Variants in XPNPEP3 observed in about 807,000 individuals in gnomAD.
XPNPEP3 encodes the protein X-prolyl aminopeptidase 3.
Under a neutral mutation model 60.0 loss-of-function variants are expected in XPNPEP3, and 41 were observed. That is an observed-to-expected ratio of 0.68 (90% CI 0.53 to 0.89). The LOEUF is 0.89. Among genes scored for constraint, XPNPEP3 ranks in the 40% least tolerant of loss-of-function variants. The pLI is 0.00. For missense variants in XPNPEP3, 598 were observed against 638.9 expected (o/e 0.94, Z 0.69); for synonymous variants, 212 against 223.2 (o/e 0.95, Z 0.45).
intron 9 of XPNPEP3, among the ~76,000 whole-genome samples, chr22:40,925,984 T>C (rs2058233225): frequency 6.6e-6 from 1 of 152,186 alleles, no homozygotes; most frequent in South Asian, 2.1e-4. Flanking sequence ...CACTAGAATA[T>C]GACAGAATCA....
intron 2 of XPNPEP3, among the ~76,000 whole-genome samples, chr22:40,872,064 C>T (rs2058008048): frequency 6.6e-6 from 1 of 152,020 alleles, no homozygotes; most frequent in Non-Finnish European, 1.5e-5. Context: ...ATTACTGGGC[C>T]AGTTCCTCTG....
At chr22:40,867,845 C>T (rs1209641837) in intron 1 of XPNPEP3, among the ~76,000 whole-genome samples, 1 of 150,444 alleles carries the variant, frequency 6.6e-6, no homozygotes, top group African/African-American at 2.4e-5. Context: ...TGTTTCATTT[C>T]ATTTATTGCC....
In XPNPEP3 at chr22:40,886,427, G is replaced by T. The variant is rs766397782; in HGVS notation, c.704G>T (p.Gly235Val). 10 of 1,614,196 alleles carry T rather than the reference G, an allele frequency of 6.2e-6. No homozygotes were observed. The highest frequency in any genetic ancestry group is 7.6e-6 in the Non-Finnish European group (9 of 1,180,038). Residue 235 changes from glycine to valine, a missense_variant, in exon 4 of 10, where the codon GGT becomes GTT. Coordinates refer to ENST00000357137, the MANE Select transcript of XPNPEP3 (RefSeq NM_022098.4). The stretch of plus-strand genomic sequence containing the variant: ...GCCAAGAGCAAGAACAAGGTTCGGG[G>T]TGTTCAGCAGCTGATACAGCGCCTC... ...AKAKSKNKVR[G>V]VQQLIQRLRL...
intron 4 of XPNPEP3, among the ~76,000 whole-genome samples, chr22:40,892,824 G>A (rs948973526): frequency 6.6e-6 from 1 of 151,876 alleles, no homozygotes; most frequent in Non-Finnish European, 1.5e-5. Flanking sequence ...GGCCCACCAA[G>A]TTATACCTTG....
chr22:40,909,241 T>G lies in XPNPEP3; in HGVS notation c.969+6T>G, dbSNP rs371875441. ...AAAATAATCAACTCATCAAGGTACG[T>G]GAGATGCCCTCAGTGCTACTCCCAC... On this transcript the variant is annotated splice_donor_region_variant and intron_variant, in intron 6 of 9. Coordinates refer to ENST00000357137, the MANE Select transcript of XPNPEP3 (RefSeq NM_022098.4). The G allele has an allele frequency of 3.7e-6, 6 of 1,611,206 alleles. 2 individuals carry two copies. The South Asian group carries it at 6.6e-5, about 18-fold the overall frequency.
intron 1 of XPNPEP3, among the ~76,000 whole-genome samples, chr22:40,863,494 A>G (rs2057962468): frequency 6.6e-6 from 1 of 152,326 alleles, no homozygotes; most frequent in East Asian, 1.9e-4. Context: ...GTATGCTTCT[A>G]GTCTTTCAAG....
chr22:40,900,475 G>A (rs1212665980), intron 4 of XPNPEP3, among the ~76,000 whole-genome samples: 1 of 151,914 alleles, frequency 6.6e-6, no homozygotes, highest in Non-Finnish European at 1.5e-5. Context: ...GCATGGTGGC[G>A]GGTGCCTGTA....
chr22:40,909,192 G>C lies in XPNPEP3; in HGVS notation c.926G>C (p.Arg309Pro). 3 of 1,614,136 alleles carry C rather than the reference G, an allele frequency of 1.9e-6. No individual in the cohort carries two copies. The highest frequency in any genetic ancestry group is 2.5e-6 in the Non-Finnish European group (3 of 1,180,024). ...CCACCTGTGGTGGCTGGTGGTAATC[G>C]GTCAAACACTTTGCACTATGTGAAA... ...AYPPVVAGGN[R>P]SNTLHYVKNN... The change falls in exon 6 of 10, where the codon CGG becomes CCG. Residue 309 changes from arginine to proline, a missense_variant. By Grantham distance (103) the Arg-to-Pro change is moderately radical. Transcript: ENST00000357137.
chr22:40,860,640 G>A (rs995227996), intron 1 of XPNPEP3: 25 of 1,311,764 alleles, frequency 1.9e-5, no homozygotes, highest in Non-Finnish European at 2.6e-5. Flanking sequence ...AAAACTCATT[G>A]CAGTTTTCCA....
chr22:40,922,862 C>T (rs1310950094), intron 8 of XPNPEP3, among the ~76,000 whole-genome samples: 2 of 152,010 alleles, frequency 1.3e-5, no homozygotes, highest in Non-Finnish European at 2.9e-5. Context: ...TTAGCTTTAA[C>T]ATGGATTAAA....
intron 4 of XPNPEP3, among the ~76,000 whole-genome samples, chr22:40,898,224 C>CTTTTTTTTTTTTT (rs1405343173): frequency 1.4e-5 from 1 of 70,228 alleles, no homozygotes; most frequent in African/African-American, 6.2e-5. Flanking sequence ...GTCTTTGACC[C>CTTTTTTTTTTTTT]ATTTTTTTTT....
intron 4 of XPNPEP3, among the ~76,000 whole-genome samples, chr22:40,905,617 G>A (rs549599459): frequency 1.3e-5 from 2 of 152,250 alleles, no homozygotes; most frequent in Admixed American, 6.5e-5. Flanking sequence ...TGTGATGGAA[G>A]GTGCTAATTT....
chr22:40,920,425 T>A (rs1275471070), intron 7 of XPNPEP3, among the ~76,000 whole-genome samples: 1 of 152,080 alleles, frequency 6.6e-6, no homozygotes, highest in Admixed American at 6.6e-5. Flanking sequence ...ATGGAAATGG[T>A]CTGTATAAGG....
intron 2 of XPNPEP3, among the ~76,000 whole-genome samples, chr22:40,876,527 CAG>C (rs2058028181): frequency 6.6e-6 from 1 of 152,218 alleles, no homozygotes; most frequent in Non-Finnish European, 1.5e-5. Flanking sequence ...AACTGAGGCA[CAG>C]AGAAGTTTGG....
chr22:40,873,509 C>G (rs1013240488), intron 2 of XPNPEP3, among the ~76,000 whole-genome samples: 5 of 152,088 alleles, frequency 3.3e-5, no homozygotes, highest in Non-Finnish European at 7.4e-5. Flanking sequence ...TTTACCGTTT[C>G]ATCTCTATCG....
intron 5 of XPNPEP3, among the ~76,000 whole-genome samples, chr22:40,907,965 G>A (rs1379822663): frequency 1.3e-5 from 2 of 151,996 alleles, no homozygotes; most frequent in East Asian, 3.9e-4. Context: ...TGTAATCCCA[G>A]CAGTGTGGGA....
rs1227824757 is a variant in XPNPEP3 at position 40,906,988 on chromosome 22, T to C, written c.793-599T>C. 4.5e-5 allele frequency: 20 copies of C among 447,970 alleles called. No individual in the cohort carries two copies. In the Admixed American group the frequency reaches 4.8e-4, roughly 11 times the overall value. 27.7% of individuals were successfully genotyped at this position (447,970 alleles called of 1,614,324 possible). A position where few individuals can be genotyped will look rare whatever the true frequency, so the allele number is the denominator to read the frequency against. On this transcript the variant is annotated intron_variant, in intron 4 of 9. Coordinates refer to ENST00000357137, the MANE Select transcript of XPNPEP3 (RefSeq NM_022098.4). ...AGCCCCATTATGGTCACTTATCCCA[T>C]CTATGAGGGCAGAGCCCTCGTGATT... is the stretch of plus-strand genomic sequence containing the variant.
At chr22:40,914,428 C>A in intron 7 of XPNPEP3, 104 bp downstream of exon 7, 1 of 998,964 alleles carries the variant, frequency 1.0e-6, no homozygotes, top group South Asian at 1.3e-5. Context: ...TAGGTCCATT[C>A]CTGGTCAAGT....
chr22:40,881,348 C>T (rs1274854923), intron 2 of XPNPEP3, among the ~76,000 whole-genome samples: 2 of 147,648 alleles, frequency 1.4e-5, no homozygotes, highest in East Asian at 2.2e-4. Context: ...CTCAGCTAGT[C>T]GGGAGGCTGA....
Sources: allele counts gnomAD v4.1 joint callset (sites outside exome capture counted in the v4.1 genomes callset), GRCh38; gene constraint gnomAD v4.1.1; transcripts MANE v1.5; gene names NCBI Gene and HGNC (gene_info 2026-07-23, HGNC 2026-07-21).